Variants in RAI14 observed in about 807,000 individuals in gnomAD.
RAI14 encodes ankycorbin.
RAI14 carries 45 observed loss-of-function variants against 115.4 expected under a neutral mutation model. The observed-to-expected ratio is 0.39, with a 90% CI of 0.31 to 0.50. RAI14 has a LOEUF of 0.50. Among genes scored for constraint, RAI14 ranks in the 20% least tolerant of loss-of-function variants. The pLI is 0.85. For synonymous variants in RAI14, 371 were observed against 415.4 expected, an observed-to-expected ratio of 0.89 and a Z score of 1.30; for missense variants, 939 against 1,131.2, an observed-to-expected ratio of 0.83 and a Z score of 2.44.
At chr5:34,687,636 C>T (rs1311693703) in intron 2 of RAI14, 1 of 1,549,386 alleles carries the variant, frequency 6.5e-7, no homozygotes, top group African/African-American at 1.4e-5. Flanking sequence ...TCTATGATCC[C>T]AGTCTTGTAT....
chr5:34,754,724 C>A (rs1747655915), intron 2 of RAI14, among the ~76,000 whole-genome samples: 1 of 152,256 alleles, frequency 6.6e-6, no homozygotes, highest in South Asian at 2.1e-4. Flanking sequence ...CATTTCAGAC[C>A]ACTAGGAATG....
chr5:34,746,610 G>A (rs980607602), intron 2 of RAI14, among the ~76,000 whole-genome samples: 18 of 150,954 alleles, frequency 1.2e-4, no homozygotes, highest in Non-Finnish European at 3.0e-5. Flanking sequence ...TCACCATGTT[G>A]GCCAGGCTGG....
intron 3 of RAI14, among the ~76,000 whole-genome samples, chr5:34,792,058 G>A (rs1171567443): frequency 6.6e-6 from 1 of 152,158 alleles, no homozygotes; most frequent in Non-Finnish European, 1.5e-5. Flanking sequence ...ATCTCCTCAA[G>A]AGCAGACTCA....
At chr5:34,722,710 G>C (rs990549615) in intron 2 of RAI14, among the ~76,000 whole-genome samples, 2 of 151,152 alleles carry the variant, frequency 1.3e-5, no homozygotes, top group African/African-American at 4.9e-5. Context: ...GCTGGGTGTG[G>C]TGTTGTGCTC....
rs1405223338 is a variant in RAI14 at position 34,824,245 on chromosome 5, T to C, written c.2403T>C (p.Ser801=). The change falls in exon 15 of 18, where the codon AGT becomes AGC. Residue 801 remains serine, a synonymous_variant. Transcript: ENST00000265109. ...KLQSSLESEV[S]VLASKLKESV... is the part of the protein sequence containing the mutation. ...AGTCATCCTTAGAGAGTGAAGTGAG[T>C]GTGTTGGCATCGAAATTAAAGGAAT... is the stretch of plus-strand genomic sequence containing the variant. The C allele has an allele frequency of 6.2e-7, 1 of 1,613,966 alleles. No homozygotes were observed. Among genetic ancestry groups the C allele is most frequent in the East Asian group, 2.2e-5 (1 of 44,874 alleles).
intron 3 of RAI14, among the ~76,000 whole-genome samples, chr5:34,762,227 G>T (rs1009181573): frequency 2.0e-5 from 3 of 152,182 alleles, no homozygotes; most frequent in Non-Finnish European, 4.4e-5. Flanking sequence ...AGAGGGGAAA[G>T]AATTCTTCTG....
chr5:34,710,735 A>C (rs1561264740), intron 2 of RAI14, among the ~76,000 whole-genome samples: 1 of 151,796 alleles, frequency 6.6e-6, no homozygotes, highest in East Asian at 1.9e-4. Flanking sequence ...TCCCTCCACC[A>C]CCCAGCTCTT....
intron 13 of RAI14, among the ~76,000 whole-genome samples, chr5:34,820,704 G>A (rs931590180): frequency 3.3e-5 from 5 of 152,298 alleles, no homozygotes; most frequent in East Asian, 1.9e-4. Flanking sequence ...TCTTTTGTAG[G>A]ACTTTCTAGA....
chr5:34,824,119 A>C lies in RAI14; in HGVS notation c.2277A>C (p.Ala759=). Residue 759 remains alanine (A), a synonymous_variant, in exon 15 of 18, where the codon GCA becomes GCC. Coordinates refer to ENST00000265109, the MANE Select transcript of RAI14 (RefSeq NM_015577.3). ...EKISNLKEHL[A]SKEVEVAKLE... is the part of the protein sequence containing the mutation. Reference sequence around the variant, plus strand: ...TAAGCAATCTTAAGGAACACCTTGCAAGCAAGGAAGTGGAAGTAGCAAAGC... The same window carrying C: ...TAAGCAATCTTAAGGAACACCTTGCCAGCAAGGAAGTGGAAGTAGCAAAGC... 1 of 1,613,974 alleles carries C rather than the reference A, an allele frequency of 6.2e-7. No individual in the cohort carries two copies.
At chr5:34,741,082 A>C (rs1408339562) in intron 2 of RAI14, among the ~76,000 whole-genome samples, 1 of 152,194 alleles carries the variant, frequency 6.6e-6, no homozygotes, top group Admixed American at 6.5e-5. Flanking sequence ...ACTTGGAATG[A>C]CAATAATGAG....
intron 12 of RAI14, among the ~76,000 whole-genome samples, chr5:34,816,107 G>A (rs963964380): frequency 3.9e-5 from 6 of 152,124 alleles, no homozygotes; most frequent in Middle Eastern, 3.4e-3. Context: ...GCCATTATTC[G>A]AAAAACTGGC....
chr5:34,784,850 A>G (rs1752104659), intron 3 of RAI14, among the ~76,000 whole-genome samples: 2 of 152,222 alleles, frequency 1.3e-5, no homozygotes. Flanking sequence ...TAGATTACTC[A>G]TGGCATAGGT....
At chr5:34,702,855 C>A (rs564968013) in intron 2 of RAI14, among the ~76,000 whole-genome samples, 4 of 152,096 alleles carry the variant, frequency 2.6e-5, no homozygotes, top group Non-Finnish European at 4.4e-5. Context: ...TACAGGCATG[C>A]GCCACCATGC....
intron 1 of RAI14, among the ~76,000 whole-genome samples, chr5:34,674,678 A>T (rs921237538): frequency 6.8e-6 from 1 of 148,086 alleles, no homozygotes; most frequent in Non-Finnish European, 1.5e-5. Flanking sequence ...TCCGCCTCCC[A>T]GATTCAAGCG....
At chr5:34,820,680 G>T (rs1489184300) in intron 13 of RAI14, among the ~76,000 whole-genome samples, 3 of 152,172 alleles carry the variant, frequency 2.0e-5, no homozygotes, top group Non-Finnish European at 2.9e-5. Flanking sequence ...ACATTGTTTT[G>T]TTCAGCTGAC....
chr5:34,780,567 T>C (rs1268854234), intron 3 of RAI14, among the ~76,000 whole-genome samples: 6 of 152,112 alleles, frequency 3.9e-5, no homozygotes, highest in Admixed American at 3.3e-4. Flanking sequence ...GCAAAGGACA[T>C]GAACAGACAC....
intron 12 of RAI14, among the ~76,000 whole-genome samples, chr5:34,817,272 C>CAA (rs34084798): frequency 0.25 from 24,697 of 96,858 alleles, 3,491 homozygotes; most frequent in African/African-American, 0.38. Flanking sequence ...CACTCCATCT[C>CAA]AAAAAAAAAA....
At chr5:34,798,891 A>G (rs1394711081) in intron 4 of RAI14, among the ~76,000 whole-genome samples, 1 of 152,166 alleles carries the variant, frequency 6.6e-6, no homozygotes, top group Admixed American at 6.5e-5. Context: ...CAAACATTCC[A>G]TGGGTTGAAG....
intron 2 of RAI14, among the ~76,000 whole-genome samples, chr5:34,737,939 T>A (rs116486449): frequency 0.038 from 5,814 of 152,322 alleles, 152 homozygotes; most frequent in Middle Eastern, 0.068. Flanking sequence ...AAAACCTGTC[T>A]GGTTTCTTAG....
Sources: allele counts gnomAD v4.1 joint callset (sites outside exome capture counted in the v4.1 genomes callset), GRCh38; gene constraint gnomAD v4.1.1; transcripts MANE v1.5; gene names NCBI Gene and HGNC (gene_info 2026-07-23, HGNC 2026-07-21).